Variants in TMEM131L observed in about 807,000 individuals in gnomAD.
The protein encoded by TMEM131L is transmembrane protein 131-like.
A neutral mutation model predicts 192.2 loss-of-function variants in TMEM131L; 54 were observed. The observed-to-expected ratio is 0.28, with a 90% CI of 0.23 to 0.35. The LOEUF is 0.35. Ranked by LOEUF, TMEM131L falls within the 10% of genes least tolerant of loss-of-function variation. TMEM131L has a pLI of 1.00. For synonymous variants in TMEM131L, 701 were observed against 704.9 expected (o/e 0.99, Z 0.09); for missense variants, 1,888 against 1,972.9 (o/e 0.96, Z 0.82).
intron 7 of TMEM131L, among the ~76,000 whole-genome samples, chr4:153,567,349 G>T (rs1329395497): frequency 2.0e-5 from 3 of 152,172 alleles, no homozygotes; most frequent in Admixed American, 2.0e-4. Flanking sequence ...AAATACCTGT[G>T]TAAACATAAT....
intron 4 of TMEM131L, among the ~76,000 whole-genome samples, chr4:153,553,480 C>T (rs1737786587): frequency 6.7e-6 from 1 of 150,046 alleles, no homozygotes; most frequent in South Asian, 2.1e-4. Context: ...AACCTCAGAA[C>T]AAACTTTAGC....
At chr4:153,491,467 G>T (rs1732773742) in intron 3 of TMEM131L, among the ~76,000 whole-genome samples, 1 of 152,044 alleles carries the variant, frequency 6.6e-6, no homozygotes, top group South Asian at 2.1e-4. Flanking sequence ...TTTCTCAGTG[G>T]TCCTTATCAG....
At chr4:153,493,943 G>T (rs1412444100) in intron 3 of TMEM131L, among the ~76,000 whole-genome samples, 1 of 152,120 alleles carries the variant, frequency 6.6e-6, no homozygotes, top group Non-Finnish European at 1.5e-5. Flanking sequence ...CAGTGATAAG[G>T]TTTCCTGATC....
rs183975177 is a variant in TMEM131L, at chr4:153,552,679, T to A, written c.308+2538T>A. Among the ~76,000 whole-genome samples, 644 of 152,104 alleles carry A rather than the reference T, an allele frequency of 4.2e-3. 6 individuals carry two copies. Among genetic ancestry groups the A allele is most frequent in the African/African-American group, 0.014 (595 of 41,488 alleles). Reference sequence around the variant, plus strand: ...GACCCTGTCTCCATAAAATTTTTTTTAAAAATTAGCTAAGCATGGTGGTGC... The same window carrying A: ...GACCCTGTCTCCATAAAATTTTTTTAAAAAATTAGCTAAGCATGGTGGTGC... On this transcript the variant is annotated intron_variant, in intron 4 of 34. Transcript: ENST00000409959.
intron 3 of TMEM131L, among the ~76,000 whole-genome samples, chr4:153,546,222 T>G (rs1425251412): frequency 2.0e-5 from 3 of 151,830 alleles, no homozygotes; most frequent in African/African-American, 7.3e-5. Context: ...AGCTTTTTTT[T>G]TTTTTTTACA....
At chr4:153,536,073 A>G (rs1736295847) in intron 3 of TMEM131L, among the ~76,000 whole-genome samples, 1 of 152,210 alleles carries the variant, frequency 6.6e-6, no homozygotes, top group South Asian at 2.1e-4. Flanking sequence ...CTTCCTGCAC[A>G]TCTGCATAGG....
At chr4:153,500,789 A>ACACACACGCT (rs1733548664) in intron 3 of TMEM131L, among the ~76,000 whole-genome samples, 1 of 152,224 alleles carries the variant, frequency 6.6e-6, no homozygotes. Flanking sequence ...GACCAAAGAA[A>ACACACACGCT]CACACACGCT....
At chr4:153,583,729 C>A in intron 11 of TMEM131L, 57 bp downstream of exon 11, 4 of 988,100 alleles carry the variant, frequency 4.0e-6, no homozygotes, top group South Asian at 1.4e-5. Context: ...GTCATGATGG[C>A]AACTCTTTCT....
intron 25 of TMEM131L, among the ~76,000 whole-genome samples, chr4:153,604,846 A>C (rs1193938185): frequency 6.6e-6 from 1 of 152,130 alleles, no homozygotes; most frequent in East Asian, 1.9e-4. Context: ...CTGGGATTAC[A>C]GGTGTGTGCC....
chr4:153,565,544 A>G (rs1729133833), intron 7 of TMEM131L, among the ~76,000 whole-genome samples: 1 of 152,240 alleles, frequency 6.6e-6, no homozygotes, highest in South Asian at 2.1e-4. Flanking sequence ...GGTCCTTGGC[A>G]GTGCCAGCTC....
chr4:153,619,827 G>GA (rs1326650045), intron 26 of TMEM131L, among the ~76,000 whole-genome samples: 1 of 152,194 alleles, frequency 6.6e-6, no homozygotes, highest in African/African-American at 2.4e-5. Context: ...CATGAAGTGT[G>GA]AATCCTTCAG....
chr4:153,558,347 C>T lies in TMEM131L; in HGVS notation c.639C>T (p.Ser213=), dbSNP rs755768768. 6.2e-7 allele frequency: 1 copy of T among 1,604,108 alleles called. No homozygotes were observed. Among genetic ancestry groups the T allele is most frequent in the Non-Finnish European group, 8.5e-7 (1 of 1,172,176 alleles). Residue 213 remains serine (S), a synonymous_variant, in exon 7 of 35, where the codon AGC becomes AGT. Coordinates refer to ENST00000409959, the MANE Select transcript of TMEM131L (RefSeq NM_001131007.2). ...NAYFLLPKVQ[S]IQLSQMQAET... is the part of the protein sequence containing the mutation. The stretch of plus-strand genomic sequence containing the variant: ...ATTTTCTGCTTCCAAAGGTCCAGAG[C>T]ATTCAGCTGTCTCAAATGCAGGTCA...
chr4:153,606,426 A>G (rs1732244272), intron 25 of TMEM131L, among the ~76,000 whole-genome samples: 1 of 152,206 alleles, frequency 6.6e-6, no homozygotes, highest in African/African-American at 2.4e-5. Flanking sequence ...GGGACCTTCT[A>G]TATCTTAATA....
chr4:153,556,122 G>A (rs1036904103), intron 5 of TMEM131L, among the ~76,000 whole-genome samples: 1 of 150,316 alleles, frequency 6.7e-6, no homozygotes, highest in Non-Finnish European at 1.5e-5. Flanking sequence ...GGGCCGGGGG[G>A]AGGTGGGGGG....
At chr4:153,539,122 A>G (rs780049702) in intron 3 of TMEM131L, among the ~76,000 whole-genome samples, 2 of 152,216 alleles carry the variant, frequency 1.3e-5, no homozygotes, top group African/African-American at 4.8e-5. Context: ...TTCTCAAGGA[A>G]AAATTGCTTT....
At position 153,612,374 on chromosome 4, in the gene TMEM131L, G is replaced by T; in HGVS notation, c.3541G>T (p.Glu1181Ter). The T allele has an allele frequency of 6.3e-7, 1 of 1,595,818 alleles. No homozygotes were observed. Among genetic ancestry groups the T allele is most frequent in the South Asian group, 1.2e-5 (1 of 84,554 alleles). ...AACATCTAGAGAAGACATGTTTTCT[G>T]AGAAACAGGACATACCTTTCGTAGA... Reference protein sequence around the residue: ...HKTSREDMFSEKQDIPFVEQE... With the variant: ...HKTSREDMFS The change falls in exon 26 of 35, where the codon GAG (glutamate) becomes TAG (stop). Residue 1181 changes from glutamate (E) to a stop codon, truncating the protein, a stop_gained. Transcript: ENST00000409959. LOFTEE classifies it high-confidence loss of function.
chr4:153,487,693 C>CGTGTGTGTGTGTGTGTGTGTGTGTGT (rs140651689), intron 3 of TMEM131L, among the ~76,000 whole-genome samples: 2 of 142,020 alleles, frequency 1.4e-5, no homozygotes, highest in Admixed American at 7.0e-5. Context: ...GCTGCACAGG[C>CGTGTGTGTGTGTGTGTGTGTGTGTGT]GTGTGTGTGT....
intron 3 of TMEM131L, among the ~76,000 whole-genome samples, chr4:153,490,062 T>C (rs1164623955): frequency 6.6e-6 from 1 of 152,178 alleles, no homozygotes; most frequent in Non-Finnish European, 1.5e-5. Flanking sequence ...TGTTATTTCC[T>C]GGAAATGCTT....
At chr4:153,536,195 G>C (rs564502556) in intron 3 of TMEM131L, among the ~76,000 whole-genome samples, 2 of 152,276 alleles carry the variant, frequency 1.3e-5, no homozygotes, top group East Asian at 3.9e-4. Flanking sequence ...GCCACTGGGG[G>C]GGTTAACAAG....
Sources: allele counts gnomAD v4.1 joint callset (sites outside exome capture counted in the v4.1 genomes callset), GRCh38; gene constraint gnomAD v4.1.1; transcripts MANE v1.5; gene names NCBI Gene and HGNC (gene_info 2026-07-23, HGNC 2026-07-21).